Variants in OPN3 observed in about 807,000 individuals in gnomAD.
The protein encoded by OPN3 is opsin 3, also known as opsin-3.
A neutral mutation model predicts 33.8 loss-of-function variants in OPN3; 29 were observed. The ratio of observed to expected loss-of-function variants is 0.86; its 90% CI spans 0.64 to 1.17. OPN3 has a LOEUF of 1.17. Among genes scored for constraint, OPN3 ranks in the 50% most tolerant of loss-of-function variants. The pLI is 0.00. For missense variants in OPN3, 437 were observed against 514.1 expected (o/e 0.85, Z 1.45); for synonymous variants, 216 against 216.1 (o/e 1.00, Z 0.00).
intron 1 of OPN3, among the ~76,000 whole-genome samples, chr1:241,620,230 A>G (rs1256940905): frequency 7.2e-6 from 1 of 139,210 alleles, no homozygotes; most frequent in Non-Finnish European, 1.5e-5. Flanking sequence ...AGCATTGTTC[A>G]GTAGAAATAT....
chr1:241,605,886 G>A (rs964284206), intron 1 of OPN3, among the ~76,000 whole-genome samples: 3 of 152,176 alleles, frequency 2.0e-5, no homozygotes, highest in African/African-American at 4.8e-5. Context: ...TCTAGCTAAC[G>A]TTTGTGTTAT....
chr1:241,605,536 A>G (rs539556187), intron 1 of OPN3, among the ~76,000 whole-genome samples: 66 of 152,348 alleles, frequency 4.3e-4, no homozygotes, highest in Non-Finnish European at 1.3e-4. Context: ...CTCACTTAAC[A>G]AGCACCTACT....
At chr1:241,598,284 A>G (rs535553911) in intron 2 of OPN3, among the ~76,000 whole-genome samples, 60 of 152,240 alleles carry the variant, frequency 3.9e-4, no homozygotes, top group African/African-American at 1.4e-3. Flanking sequence ...AATAAGAATA[A>G]CATTATTTTG....
At chr1:241,639,701 T>C (rs1039737817) in intron 1 of OPN3, among the ~76,000 whole-genome samples, 181 bp downstream of exon 1, 1 of 137,710 alleles carries the variant, frequency 7.3e-6, no homozygotes, top group Admixed American at 7.5e-5. Flanking sequence ...GCACCCGCCA[T>C]GCGGCTGGGG....
rs1437148769 is a variant in OPN3 at position 241,639,967 on chromosome 1, G to A, written c.288C>T (p.Thr96=). 1 of 1,612,018 alleles carries A rather than the reference G, an allele frequency of 6.2e-7. No individual in the cohort carries two copies. Among genetic ancestry groups the A allele is most frequent in the African/African-American group, 1.3e-5 (1 of 74,704 alleles). The change falls in exon 1 of 4, where the codon ACC becomes ACT. Residue 96 remains threonine, a synonymous_variant. Transcript: ENST00000366554. ...TCCTCAGGCAGGACACGAAGGTAAA[G>A]GTGACCCCGAAGAGGGACACCAGCA... ...SDLLVSLFGV[T]FTFVSCLRNG...
chr1:241,623,992 G>A (rs1009046380), intron 1 of OPN3, among the ~76,000 whole-genome samples: 5 of 151,836 alleles, frequency 3.3e-5, no homozygotes, highest in Admixed American at 6.6e-5. Context: ...GCCTCTCCAC[G>A]CCAGGCCAGG....
chr1:241,632,869 ACT>A (rs998597823), intron 1 of OPN3: 31 of 152,132 alleles, frequency 2.0e-4, no homozygotes, highest in African/African-American at 7.0e-4. Flanking sequence ...AAAAGGCCTC[ACT>A]CTGTTTCTCC....
rs1202616634 is a variant in OPN3 at position 241,604,279 on chromosome 1, A to C, written c.674T>G (p.Ile225Ser). The change falls in exon 2 of 4, where the codon ATT becomes AGT. Residue 225 changes from isoleucine to serine, a missense_variant. Physicochemically the swap from Ile to Ser is moderately radical, Grantham distance 142. Transcript: ENST00000366554. ...ACTCACCATTCGAATGGAATATAGA[A>C]TATGGCCATAGCAATGGGCTATGAC... ...LGVIAHCYGH[I>S]LYSIRMLRCV... 4.3e-6 allele frequency: 7 copies of C among 1,614,008 alleles called. No individual in the cohort carries two copies. Among genetic ancestry groups the C allele is most frequent in the Non-Finnish European group, 5.9e-6 (7 of 1,179,940 alleles).
At chr1:241,609,515 G>A (rs917800358) in intron 1 of OPN3, among the ~76,000 whole-genome samples, 5 of 152,244 alleles carry the variant, frequency 3.3e-5, no homozygotes, top group Admixed American at 1.3e-4. Context: ...GCCTATCACT[G>A]TGCTGAGTAG....
Position 241,594,589 on chromosome 1 carries a change from T to G in OPN3, c.1048A>C (p.Ile350Leu). ...TCCCCATCTTTCTGTGACATCACAA[T>G]GGGTCTGATCTGCATTTCACTTCCA... ...AAGSEMQIRP[I>L]VMSQKDGDRP... Residue 350 changes from isoleucine (I) to leucine (L), a missense_variant, in exon 4 of 4, where the codon ATT becomes CTT. Physicochemically the swap from Ile to Leu is conservative, Grantham distance 5. Coordinates refer to ENST00000366554, the MANE Select transcript of OPN3 (RefSeq NM_014322.3). The G allele has an allele frequency of 6.2e-7, 1 of 1,614,130 alleles. No individual in the cohort carries two copies. The highest frequency in any genetic ancestry group is 2.2e-5 in the East Asian group (1 of 44,868).
At chr1:241,598,718 T>C (rs1394373331) in intron 2 of OPN3, among the ~76,000 whole-genome samples, 1 of 152,244 alleles carries the variant, frequency 6.6e-6, no homozygotes, top group African/African-American at 2.4e-5. Flanking sequence ...CTTGAATATG[T>C]TTCTTTTTGC....
chr1:241,601,443 A>G (rs2147998678), intron 2 of OPN3, among the ~76,000 whole-genome samples: 1 of 152,204 alleles, frequency 6.6e-6, no homozygotes, highest in East Asian at 1.9e-4. Context: ...AGTGGCTCAC[A>G]CCTGTAATCC....
intron 1 of OPN3, among the ~76,000 whole-genome samples, chr1:241,625,892 A>T (rs888364065): frequency 7.2e-5 from 11 of 152,008 alleles, no homozygotes; most frequent in African/African-American, 2.7e-4. Context: ...AGAATGTTGA[A>T]CAACACCCCA....
intron 1 of OPN3, among the ~76,000 whole-genome samples, chr1:241,611,821 G>A (rs1046377789): frequency 6.6e-6 from 1 of 152,196 alleles, no homozygotes; most frequent in African/African-American, 2.4e-5. Flanking sequence ...GCTTTTGGAG[G>A]TTTTCCTTAT....
At chr1:241,605,240 T>A (rs1573953477) in intron 1 of OPN3, among the ~76,000 whole-genome samples, 1 of 152,004 alleles carries the variant, frequency 6.6e-6, no homozygotes, top group East Asian at 1.9e-4. Flanking sequence ...TCTCTTTTAG[T>A]TTACCTTCTC....
chr1:241,604,665 C>G (rs555622977), intron 1 of OPN3, 86 bp from the exon 2 acceptor site: 7 of 1,199,752 alleles, frequency 5.8e-6, no homozygotes, highest in Non-Finnish European at 8.2e-6. Context: ...ACTGGAAATA[C>G]CTTACAGAGT....
intron 1 of OPN3, among the ~76,000 whole-genome samples, chr1:241,611,082 T>C (rs1663978414): frequency 6.6e-6 from 1 of 152,198 alleles, no homozygotes; most frequent in Non-Finnish European, 1.5e-5. Flanking sequence ...TGGACAGGGC[T>C]CTGGAGGTTA....
chr1:241,606,199 T>C (rs941428949), intron 1 of OPN3, among the ~76,000 whole-genome samples: 6 of 152,186 alleles, frequency 3.9e-5, no homozygotes, highest in Admixed American at 3.9e-4. Flanking sequence ...CAACAGAATC[T>C]ATCTGCTTAT....
At chr1:241,602,329 C>T (rs1663698577) in intron 2 of OPN3, among the ~76,000 whole-genome samples, 1 of 152,104 alleles carries the variant, frequency 6.6e-6, no homozygotes, top group South Asian at 2.1e-4. Flanking sequence ...AAAAATGTGT[C>T]CATGGGATCA....
Sources: allele counts gnomAD v4.1 joint callset (sites outside exome capture counted in the v4.1 genomes callset), GRCh38; gene constraint gnomAD v4.1.1; transcripts MANE v1.5; gene names NCBI Gene and HGNC (gene_info 2026-07-23, HGNC 2026-07-21).